The following MCUR1 variants were observed in gnomAD, a reference collection of about 807,000 sequenced individuals.
MCUR1 encodes MCU regulator 1.
Under a neutral mutation model 42.0 loss-of-function variants are expected in MCUR1, and 37 were observed. The ratio of observed to expected loss-of-function variants is 0.88; its 90% confidence interval spans 0.68 to 1.16. The LOEUF (loss-of-function observed/expected upper bound fraction) is 1.16. Among genes scored for constraint, MCUR1 ranks in the 50% most tolerant of loss-of-function variants. The pLI is 0.00. For synonymous variants in MCUR1, 229 were observed against 196.2 expected, an observed-to-expected ratio of 1.17 and a Z score of -1.40; for missense variants, 469 against 468.4, an observed-to-expected ratio of 1.00 and a Z score of -0.01.
chr6:13,792,777 T>G (rs1230067758), intron 7 of MCUR1, among the ~76,000 whole-genome samples: 1 of 152,130 alleles, frequency 6.6e-6, no homozygotes, highest in South Asian at 2.1e-4. Context: ...AATAAATGCC[T>G]GGATGCGTAA....
At chr6:13,812,129 G>T (rs913229020) in intron 1 of MCUR1, among the ~76,000 whole-genome samples, 3 of 152,010 alleles carry the variant, frequency 2.0e-5, no homozygotes, top group Non-Finnish European at 4.4e-5. Flanking sequence ...CCCCTTTCTG[G>T]GGACCTTCAG....
intron 1 of MCUR1, 25 bp from the exon 2 acceptor site, chr6:13,807,069 C>G (rs1449958228): frequency 6.4e-7 from 1 of 1,571,604 alleles, no homozygotes; most frequent in African/African-American, 1.4e-5. Flanking sequence ...ACAGTAAGCT[C>G]AAAACAGACT....
chr6:13,786,742 TTAGA>T lies in MCUR1; in HGVS notation c.*4063_*4066del, dbSNP rs1584979408. ...TATTAGTCACACAGAATTAAATATTTTAGATAGTAAGAATCTTACACTTTATTAG... is the reference window on the plus strand; with the variant it reads ...TATTAGTCACACAGAATTAAATATTTTAGTAAGAATCTTACACTTTATTAG... On this transcript the variant is annotated 3_prime_UTR_variant, in exon 9 of 9. Transcript: ENST00000379170. The T allele has an allele frequency of 1.3e-5, 2 of 152,290 alleles. No homozygotes were observed. Among genetic ancestry groups the T allele is most frequent in the East Asian group, 3.9e-4 (2 of 5,188 alleles). 9.4% of individuals were successfully genotyped at this position (152,290 alleles called of 1,614,324 possible). A position where few individuals can be genotyped will look rare whatever the true frequency, so the allele number is the denominator to read the frequency against.
intron 5 of MCUR1, among the ~76,000 whole-genome samples, chr6:13,799,187 ATTTTT>A (rs11482576): frequency 1.1e-4 from 15 of 139,824 alleles, no homozygotes; most frequent in Non-Finnish European, 2.2e-4. Context: ...TGTTGCTGCC[ATTTTT>A]TTTTTTTTTT....
intron 6 of MCUR1, among the ~76,000 whole-genome samples, chr6:13,794,521 G>A (rs1208904783): frequency 6.6e-6 from 1 of 152,206 alleles, no homozygotes; most frequent in East Asian, 1.9e-4. Context: ...AGACAGAAAA[G>A]GTATGAAGTT....
rs949059765 is a variant in MCUR1, at chr6:13,789,692, C to T, written c.*1117G>A. 7.2e-5 allele frequency: 11 copies of T among 152,084 alleles called. No individual in the cohort carries two copies. Among genetic ancestry groups the T allele is most frequent in the Non-Finnish European group, 1.3e-4 (9 of 68,024 alleles). The allele number at this position is 152,084 out of a possible 1,614,324, so 9.4% of individuals were successfully genotyped here. ...CCTTGTATAAAAAGTAAATGAAGAC[C>T]GGAAGGAAGCAGACTTTGTCCTGCA... On this transcript the variant is annotated 3_prime_UTR_variant, in exon 9 of 9. Transcript: ENST00000379170.
rs1759608674 is a variant in MCUR1, at chr6:13,786,616, T to G, written c.*4193A>C. On this transcript the variant is annotated 3_prime_UTR_variant, in exon 9 of 9. Coordinates refer to ENST00000379170, the MANE Select transcript of MCUR1 (RefSeq NM_001031713.4). ...CAAATTTTCAAGTATTAGATTTACTTAGAAATTCACCAGTGTTATCATTAT... is the reference window on the plus strand; with the variant it reads ...CAAATTTTCAAGTATTAGATTTACTGAGAAATTCACCAGTGTTATCATTAT... 1 of 152,176 alleles carries G rather than the reference T, an allele frequency of 6.6e-6. No homozygotes were observed. The highest frequency in any genetic ancestry group is 1.5e-5 in the Non-Finnish European group (1 of 68,034). 9.4% of individuals were successfully genotyped at this position (152,176 alleles called of 1,614,324 possible).
Position 13,788,436 on chromosome 6 carries a change from C to T in MCUR1, c.*2373G>A, listed in dbSNP as rs1759650782. On this transcript the variant is annotated 3_prime_UTR_variant, in exon 9 of 9. Transcript: ENST00000379170. The stretch of plus-strand genomic sequence containing the variant: ...GAACTCTATAGCAAAATCGAACACC[C>T]AAATTAAGTGCCAGAATGATGCAGC... 6.6e-6 allele frequency: 1 copy of T among 152,126 alleles called. No homozygotes were observed. Among genetic ancestry groups the T allele is most frequent in the African/African-American group, 2.4e-5 (1 of 41,406 alleles). The allele number at this position is 152,126 out of a possible 1,614,324, so 9.4% of individuals were successfully genotyped here.
In MCUR1 at chr6:13,790,884, G is replaced by T; in HGVS notation, c.1025-20C>A. ...TAGACCCTGTAAGAAAAAAACAATTGAGAGTACTATTAGTTCTATTAAGAG... is the reference window on the plus strand; with the variant it reads ...TAGACCCTGTAAGAAAAAAACAATTTAGAGTACTATTAGTTCTATTAAGAG... On this transcript the variant is annotated intron_variant, in intron 8 of 8. Coordinates refer to ENST00000379170, the MANE Select transcript of MCUR1 (RefSeq NM_001031713.4). The T allele has an allele frequency of 6.3e-7, 1 of 1,579,236 alleles. No individual in the cohort carries two copies. The highest frequency in any genetic ancestry group is 8.7e-7 in the Non-Finnish European group (1 of 1,150,530).
At chr6:13,798,119 G>C (rs1210780943) in intron 6 of MCUR1, among the ~76,000 whole-genome samples, 1 of 151,204 alleles carries the variant, frequency 6.6e-6, no homozygotes, top group African/African-American at 2.4e-5. Flanking sequence ...TTTTGAGATG[G>C]AGTTTTGCTC....
intron 2 of MCUR1, among the ~76,000 whole-genome samples, chr6:13,803,100 T>C (rs1355761661): frequency 2.6e-5 from 4 of 152,308 alleles, no homozygotes; most frequent in South Asian, 2.1e-4. Flanking sequence ...TCGCTCTTGT[T>C]GCCCAGGCTG....
Position 13,814,546 on chromosome 6 carries a change from C to T in MCUR1, c.-117G>A. On this transcript the variant is annotated 5_prime_UTR_variant, in exon 1 of 9. Coordinates refer to ENST00000379170, the MANE Select transcript of MCUR1 (RefSeq NM_001031713.4). ...AGCGAGCGTGGGCCACAGCGCAGGACCGCCCTTTCCTGCCGGGCGCGCGGG... is the reference window on the plus strand; with the variant it reads ...AGCGAGCGTGGGCCACAGCGCAGGATCGCCCTTTCCTGCCGGGCGCGCGGG... 8.7e-7 allele frequency: 1 copy of T among 1,143,830 alleles called. No individual in the cohort carries two copies. The highest frequency in any genetic ancestry group is 3.3e-4 in the Middle Eastern group (1 of 3,018). The allele number at this position is 1,143,830 out of a possible 1,614,324, so 70.9% of individuals were successfully genotyped here.
At chr6:13,792,087 A>G in intron 7 of MCUR1, 95 bp from the exon 8 acceptor site, 1 of 878,794 alleles carries the variant, frequency 1.1e-6, no homozygotes, top group South Asian at 1.5e-5. Context: ...AGTCACAGGG[A>G]AACCTGGGTA....
intron 1 of MCUR1, 52 bp downstream of exon 1, chr6:13,813,963 G>T: frequency 8.2e-7 from 1 of 1,224,356 alleles, no homozygotes; most frequent in Non-Finnish European, 1.0e-6. Context: ...TCCCCGCCCC[G>T]CCGTCCAACC....
chr6:13,813,925 C>A, intron 1 of MCUR1, 90 bp downstream of exon 1: 2 of 1,199,864 alleles, frequency 1.7e-6, no homozygotes, highest in Non-Finnish European at 1.0e-6. Context: ...GCCTGCCGGG[C>A]CTTTCCTCGG....
intron 4 of MCUR1, 50 bp from the exon 5 acceptor site, chr6:13,800,432 G>C (rs1373315327): frequency 9.5e-7 from 1 of 1,050,962 alleles, no homozygotes; most frequent in Non-Finnish European, 1.4e-6. Context: ...ATAAAACGTA[G>C]TAACCAACAA....
In MCUR1 at chr6:13,794,637, G is replaced by T. The variant is rs867759330; in HGVS notation, c.856-690C>A. 9.2e-4 allele frequency among the ~76,000 whole-genome samples: 80 copies of T among 87,298 alleles called. 1 individual carries two copies. Among genetic ancestry groups the T allele is most frequent in the Middle Eastern group, 0.011 (2 of 178 alleles). The allele number at this position is 87,298 out of a possible 152,430, so 57.3% of individuals were successfully genotyped here. A position where few individuals can be genotyped will look rare whatever the true frequency, so the allele number is the denominator to read the frequency against. ...AAATACACTAACTCATCACATGTTGGGTTTTTTTTTTTTTGGCTTGGTTTT... is the reference window on the plus strand; with the variant it reads ...AAATACACTAACTCATCACATGTTGTGTTTTTTTTTTTTTGGCTTGGTTTT... On this transcript the variant is annotated intron_variant, in intron 6 of 8. Transcript: ENST00000379170.
intron 1 of MCUR1, 97 bp from the exon 2 acceptor site, chr6:13,807,141 G>C (rs1760129016): frequency 7.5e-7 from 1 of 1,335,318 alleles, no homozygotes; most frequent in Non-Finnish European, 1.0e-6. Context: ...AAGCCTTCGT[G>C]GTACTTTATA....
intron 1 of MCUR1, among the ~76,000 whole-genome samples, chr6:13,809,050 T>G (rs1430421175): frequency 6.6e-6 from 1 of 152,170 alleles, no homozygotes; most frequent in Non-Finnish European, 1.5e-5. Context: ...AAGGTGTGGG[T>G]TATAAACTCT....
Sources: gnomAD v4.1 joint callset for allele counts (sites outside exome capture counted in the v4.1 genomes callset) on GRCh38, gnomAD v4.1.1 for gene constraint, MANE v1.5 for transcripts, NCBI Gene and HGNC (gene_info 2026-07-23, HGNC 2026-07-21) for gene names.